ZNF556: variants seen among roughly 807,000 people sequenced by gnomAD.
ZNF556 encodes the protein zinc finger protein 556.
In ZNF556, 11 loss-of-function variants were observed where a neutral mutation model predicts 13.6. The ratio of observed to expected loss-of-function variants is 0.81; its 90% CI spans 0.51 to 1.33. ZNF556 has a LOEUF of 1.33. Among genes scored for constraint, ZNF556 ranks in the 40% most tolerant of loss-of-function variants. ZNF556 has a pLI of 0.00. For missense variants in ZNF556, 633 were observed against 566.2 expected (o/e 1.12, Z -1.20); for synonymous variants, 229 against 207.8 (o/e 1.10, Z -0.88).
At chr19:2,872,176 A>C (rs1311107315) in intron 1 of ZNF556, among the ~76,000 whole-genome samples, 2 of 151,236 alleles carry the variant, frequency 1.3e-5, no homozygotes, top group Admixed American at 1.3e-4. Flanking sequence ...GGCGGGCCTG[A>C]CTGATGTCAG....
In ZNF556 at chr19:2,877,309, T is replaced by G. The variant is rs768207436; in HGVS notation, c.351T>G (p.Ser117Arg). 61 of 1,613,824 alleles carry G rather than the reference T, an allele frequency of 3.8e-5. 1 individual carries two copies. In the South Asian group the frequency reaches 6.3e-4, roughly 17 times the overall value. Residue 117 changes from serine to arginine, a missense_variant, in exon 4 of 4, where the codon AGT (serine) becomes AGG (arginine). Ser to Arg is a moderately radical substitution (Grantham distance 110, BLOSUM62 -1). Coordinates refer to ENST00000307635, the MANE Select transcript of ZNF556 (RefSeq NM_024967.3). ...NPRVERPCKS[S>R]KGNKRGRTFR... Reference sequence around the variant, plus strand: ...GGGTGGAGAGACCATGTAAAAGCAGTAAAGGTAATAAACGTGGAAGAACCT... The same window carrying G: ...GGGTGGAGAGACCATGTAAAAGCAGGAAAGGTAATAAACGTGGAAGAACCT...
chr19:2,870,475 G>A lies in ZNF556; in HGVS notation c.4-3021G>A, dbSNP rs139893746. Among the ~76,000 whole-genome samples the A allele has an allele frequency of 6.7e-3, 1,018 of 151,460 alleles. 13 individuals are homozygous for A. Among genetic ancestry groups the A allele is most frequent in the African/African-American group, 0.023 (968 of 41,226 alleles). ...TCTAAAAAATTTTCTGGCCAGGCAC[G>A]ATGGCTCACGCCTGTAATCCCAGCA... On this transcript the variant is annotated intron_variant, in intron 1 of 3. Coordinates refer to ENST00000307635, the MANE Select transcript of ZNF556 (RefSeq NM_024967.3).
Position 2,880,441 on chromosome 19 carries a change from T to G in ZNF556, c.*2112T>G, listed in dbSNP as rs2087895682. 2 of 152,136 alleles carry G rather than the reference T, an allele frequency of 1.3e-5. No homozygotes were observed. Among genetic ancestry groups the G allele is most frequent in the Admixed American group, 6.6e-5 (1 of 15,258 alleles). The allele number at this position is 152,136 out of a possible 1,614,324, so 9.4% of individuals were successfully genotyped here. On this transcript the variant is annotated 3_prime_UTR_variant, in exon 4 of 4. Coordinates refer to ENST00000307635, the MANE Select transcript of ZNF556 (RefSeq NM_024967.3). ...TTACTGGGAGAATGTATTAAAATAT[T>G]GAAAATTGCCAAATCAACATGGTGA... is the stretch of plus-strand genomic sequence containing the variant.
In ZNF556 at chr19:2,883,064, A is replaced by G. The variant is rs1264376757; in HGVS notation, c.*4735A>G. 1 of 152,212 alleles carries G rather than the reference A, an allele frequency of 6.6e-6. No individual in the cohort carries two copies. Among genetic ancestry groups the G allele is most frequent in the Admixed American group, 6.5e-5 (1 of 15,270 alleles). 9.4% of individuals were successfully genotyped at this position (152,212 alleles called of 1,614,324 possible). A position where few individuals can be genotyped will look rare whatever the true frequency, so the allele number is the denominator to read the frequency against. ...ACTAGAGTTCCTCACAGGGTGAGGA[A>G]GAGTTATGGTCATCTGCACAGTTGT... On this transcript the variant is annotated 3_prime_UTR_variant, in exon 4 of 4. Coordinates refer to ENST00000307635, the MANE Select transcript of ZNF556 (RefSeq NM_024967.3).
At chr19:2,873,745 G>A in intron 2 of ZNF556, 123 bp downstream of exon 2, 2 of 1,221,520 alleles carry the variant, frequency 1.6e-6, no homozygotes, top group South Asian at 1.6e-5. Flanking sequence ...CTTGAGGCTA[G>A]GAGTTGACAA....
At position 2,882,840 on chromosome 19, in the gene ZNF556, C is replaced by T. The variant is rs2087915588; in HGVS notation, c.*4511C>T. 6.6e-6 allele frequency: 1 copy of T among 152,306 alleles called. No individual in the cohort carries two copies. The highest frequency in any genetic ancestry group is 2.4e-5 in the African/African-American group (1 of 41,436). 9.4% of individuals were successfully genotyped at this position (152,306 alleles called of 1,614,324 possible). A position where few individuals can be genotyped will look rare whatever the true frequency, so the allele number is the denominator to read the frequency against. ...CAGAGCTGGGATTACAGGCGTGAGC[C>T]ACCGCACCAGGCCCATGTCATATGT... On this transcript the variant is annotated 3_prime_UTR_variant, in exon 4 of 4. Transcript: ENST00000307635.
intron 2 of ZNF556, 71 bp downstream of exon 2, chr19:2,873,693 C>A: frequency 6.5e-7 from 1 of 1,541,438 alleles, no homozygotes; most frequent in South Asian, 1.2e-5. Context: ...GTGGTTCATG[C>A]CTGTATTCCC....
At chr19:2,869,269 C>G (rs545243864) in intron 1 of ZNF556, among the ~76,000 whole-genome samples, 3 of 152,206 alleles carry the variant, frequency 2.0e-5, no homozygotes, top group Non-Finnish European at 4.4e-5. Context: ...CTCCATTATT[C>G]CAGCTTTCCT....
intron 1 of ZNF556, among the ~76,000 whole-genome samples, chr19:2,872,920 G>A (rs982605291): frequency 6.6e-6 from 1 of 151,978 alleles, no homozygotes; most frequent in African/African-American, 2.4e-5. Flanking sequence ...ATTACTTGAG[G>A]TCAGGAGTTC....
At chr19:2,867,708 A>G (rs2087767500) in intron 1 of ZNF556, among the ~76,000 whole-genome samples, 1 of 130,370 alleles carries the variant, frequency 7.7e-6, no homozygotes, top group African/African-American at 2.8e-5. Context: ...ACTAACCCAA[A>G]GTACAAAAAA....
chr19:2,873,410 G>T, intron 1 of ZNF556, 86 bp from the exon 2 acceptor site: 2 of 1,510,076 alleles, frequency 1.3e-6, no homozygotes, highest in Non-Finnish European at 1.8e-6. Flanking sequence ...GCAGGATCTT[G>T]TGTGAGTGTC....
chr19:2,873,688 T>C lies in ZNF556; in HGVS notation c.130+66T>C, dbSNP rs75654113. The C allele has an allele frequency of 1.6e-3, 2,538 of 1,558,908 alleles. 44 individuals carry two copies. The African/African-American group carries it at 0.03, about 18-fold the overall frequency. On this transcript the variant is annotated intron_variant, in intron 2 of 3. Transcript: ENST00000307635. ...AAATGTTTTGTCTGGTTGCAGTGGT[T>C]CATGCCTGTATTCCCAGTGCTTTAG...
In ZNF556 at chr19:2,877,943, T is replaced by C. The variant is rs567577668; in HGVS notation, c.985T>C (p.Ser329Pro). Residue 329 changes from serine to proline, a missense_variant, in exon 4 of 4, where the codon TCC becomes CCC. Physicochemically the swap from Ser to Pro is moderately conservative, Grantham distance 74 (BLOSUM62 -1). Transcript: ENST00000307635. Reference sequence around the variant, plus strand: ...CGGGAAAGCATTCGGTTGGCCCTCATCCTTACACAAACACGCGAGAACGCA... The same window carrying C: ...CGGGAAAGCATTCGGTTGGCCCTCACCCTTACACAAACACGCGAGAACGCA... ...KCGKAFGWPS[S>P]LHKHARTHAK... 1.2e-6 allele frequency: 2 copies of C among 1,614,010 alleles called. No homozygotes were observed. Among genetic ancestry groups the C allele is most frequent in the Admixed American group, 3.3e-5 (2 of 59,992 alleles).
chr19:2,879,265 G>C lies in ZNF556; in HGVS notation c.*936G>C, dbSNP rs528877596. 7.0e-6 allele frequency: 1 copy of C among 143,442 alleles called. No individual in the cohort carries two copies. Among genetic ancestry groups the C allele is most frequent in the South Asian group, 2.2e-4 (1 of 4,490 alleles). 8.9% of individuals were successfully genotyped at this position (143,442 alleles called of 1,614,324 possible). A position where few individuals can be genotyped will look rare whatever the true frequency, so the allele number is the denominator to read the frequency against. On this transcript the variant is annotated 3_prime_UTR_variant, in exon 4 of 4. Transcript: ENST00000307635. Reference sequence around the variant, plus strand: ...CAAATTCTTGGAGGAGTGTAGTCTCGTGGGAACTATTTTTTTCATCTGTTG... The same window carrying C: ...CAAATTCTTGGAGGAGTGTAGTCTCCTGGGAACTATTTTTTTCATCTGTTG...
rs139830711 is a variant in ZNF556 at position 2,878,079 on chromosome 19, C to G, written c.1121C>G (p.Thr374Arg). The change falls in exon 4 of 4, where the codon ACG becomes AGG. Residue 374 changes from threonine to arginine, a missense_variant. Coordinates refer to ENST00000307635, the MANE Select transcript of ZNF556 (RefSeq NM_024967.3). ...QTREKVYKCE[T>R]CGKTYGWSSS... ...AGAGAGAAAGTCTATAAATGTGAAACGTGTGGGAAAACGTATGGTTGGTCC... is the reference window on the plus strand; with the variant it reads ...AGAGAGAAAGTCTATAAATGTGAAAGGTGTGGGAAAACGTATGGTTGGTCC... 1 of 1,614,078 alleles carries G rather than the reference C, an allele frequency of 6.2e-7. No homozygotes were observed.
rs1444801460 is a variant in ZNF556 at position 2,876,284 on chromosome 19, G to A, written c.314+8G>A. On this transcript the variant is annotated splice_region_variant and intron_variant, in intron 3 of 3. Transcript: ENST00000307635. Reference sequence around the variant, plus strand: ...CAAGGAGAGACATTTGAGGTGAGTTGTACTTAGAAGAAAAAGGCAGTATCG... The same window carrying A: ...CAAGGAGAGACATTTGAGGTGAGTTATACTTAGAAGAAAAAGGCAGTATCG... 1 of 1,561,752 alleles carries A rather than the reference G, an allele frequency of 6.4e-7. No homozygotes were observed. The highest frequency in any genetic ancestry group is 2.1e-5 in the Admixed American group (1 of 47,274).
chr19:2,872,354 C>T (rs1040111348), intron 1 of ZNF556, among the ~76,000 whole-genome samples: 15 of 151,678 alleles, frequency 9.9e-5, no homozygotes, highest in Non-Finnish European at 1.3e-4. Context: ...CTGGCGTTAC[C>T]GCTAGACCAA....
At position 2,882,826 on chromosome 19, in the gene ZNF556, T is replaced by A. The variant is rs2144900282; in HGVS notation, c.*4497T>A. ...GCCTTGGCCTCCCGCAGAGCTGGGATTACAGGCGTGAGCCACCGCACCAGG... is the reference window on the plus strand; with the variant it reads ...GCCTTGGCCTCCCGCAGAGCTGGGAATACAGGCGTGAGCCACCGCACCAGG... On this transcript the variant is annotated 3_prime_UTR_variant, in exon 4 of 4. Coordinates refer to ENST00000307635, the MANE Select transcript of ZNF556 (RefSeq NM_024967.3). 6.6e-6 allele frequency: 1 copy of A among 152,432 alleles called. No individual in the cohort carries two copies. The highest frequency in any genetic ancestry group is 2.1e-4 in the South Asian group (1 of 4,828). 9.4% of individuals were successfully genotyped at this position (152,432 alleles called of 1,614,324 possible).
chr19:2,882,531 A>ATATAGTGTGTGTGTGTGTGT lies in ZNF556; in HGVS notation c.*4202_*4203insTATAGTGTGTGTGTGTGTGT, dbSNP rs57053138. 21 of 127,722 alleles carry ATATAGTGTGTGTGTGTGTGT rather than the reference A, an allele frequency of 1.6e-4. No homozygotes were observed. Among genetic ancestry groups the ATATAGTGTGTGTGTGTGTGT allele is most frequent in the African/African-American group, 5.5e-4 (18 of 32,988 alleles). The allele number at this position is 127,722 out of a possible 1,614,324, so 7.9% of individuals were successfully genotyped here. A position where few individuals can be genotyped will look rare whatever the true frequency, so the allele number is the denominator to read the frequency against. ...ATACATTTTATATATATATATATAT[A>ATATAGTGTGTGTGTGTGTGT]GTGTGTGTGTGTGTGTGTGTGTGTG... On this transcript the variant is annotated 3_prime_UTR_variant, in exon 4 of 4. Transcript: ENST00000307635.
Sources: gnomAD v4.1 joint callset for allele counts (sites outside exome capture counted in the v4.1 genomes callset) on GRCh38, gnomAD v4.1.1 for gene constraint, MANE v1.5 for transcripts, NCBI Gene and HGNC (gene_info 2026-07-23, HGNC 2026-07-21) for gene names.